The following CADM2 variants were observed in gnomAD, a reference collection of about 807,000 sequenced individuals.
CADM2 encodes the protein immunoglobulin superfamily member 4D.
In CADM2, 12 loss-of-function variants were observed where a neutral mutation model predicts 49.8. That is an observed-to-expected ratio of 0.24 (90% confidence interval 0.15 to 0.39). CADM2 has a LOEUF of 0.39. CADM2 is among the 10% of genes least tolerant of loss of function. The probability of loss-of-function intolerance (pLI) is 1.00; values close to 1 mark genes in which losing one functional copy is unlikely to be tolerated. For synonymous variants in CADM2, 214 were observed against 175.4 expected (o/e 1.22, Z -1.74); for missense variants, 378 against 492.3 (o/e 0.77, Z 2.20).
chr3:85,648,910 T>C (rs961641158), intron 1 of CADM2, among the ~76,000 whole-genome samples: 1 of 151,848 alleles, frequency 6.6e-6, no homozygotes, highest in Non-Finnish European at 1.5e-5. Context: ...ATACTTCTCC[T>C]TTTTTTTCCT....
At chr3:85,969,989 AC>A (rs1725919562) in intron 8 of CADM2, among the ~76,000 whole-genome samples, 1 of 17,088 alleles carries the variant, frequency 5.9e-5, no homozygotes, top group African/African-American at 2.5e-3. Context: ...ATATATATAC[AC>A]TCATACACTC....
chr3:85,105,180 T>A (rs1004676767), intron 1 of CADM2, among the ~76,000 whole-genome samples: 5 of 151,986 alleles, frequency 3.3e-5, no homozygotes, highest in African/African-American at 1.2e-4. Context: ...GGGAGAAAAT[T>A]TTTGCAACCT....
intron 1 of CADM2, among the ~76,000 whole-genome samples, chr3:85,411,291 C>G (rs1267799279): frequency 1.3e-5 from 2 of 152,128 alleles, no homozygotes; most frequent in Non-Finnish European, 2.9e-5. Context: ...TTGTACTGAG[C>G]TGCAGTAGCA....
At chr3:85,081,175 A>G (rs529814383) in intron 1 of CADM2, among the ~76,000 whole-genome samples, 2 of 152,252 alleles carry the variant, frequency 1.3e-5, no homozygotes, top group East Asian at 3.9e-4. Flanking sequence ...ATTCCATTTT[A>G]TCTTAAGTTT....
intron 1 of CADM2, among the ~76,000 whole-genome samples, chr3:85,640,045 T>G (rs2064660548): frequency 6.6e-6 from 1 of 152,128 alleles, no homozygotes; most frequent in African/African-American, 2.4e-5. Flanking sequence ...ACCTACTGAG[T>G]GCCGAGCAGA....
At chr3:85,670,172 C>T (rs1033586324) in intron 1 of CADM2, among the ~76,000 whole-genome samples, 7 of 152,040 alleles carry the variant, frequency 4.6e-5, no homozygotes, top group South Asian at 2.1e-4. Flanking sequence ...AATCTGGCCT[C>T]GGTAAATAGT....
At chr3:85,650,671 A>C (rs2065019081) in intron 1 of CADM2, among the ~76,000 whole-genome samples, 1 of 151,774 alleles carries the variant, frequency 6.6e-6, no homozygotes, top group Admixed American at 6.6e-5. Flanking sequence ...TGGGCCCAAC[A>C]ATCTGAGTTT....
intron 5 of CADM2, among the ~76,000 whole-genome samples, chr3:85,911,463 C>T (rs1717579553): frequency 6.6e-6 from 1 of 152,144 alleles, no homozygotes; most frequent in Admixed American, 6.5e-5. Flanking sequence ...GAAATAAATT[C>T]CTCAGCCAAG....
At chr3:85,907,598 G>A (rs1333857696) in intron 5 of CADM2, among the ~76,000 whole-genome samples, 1 of 152,068 alleles carries the variant, frequency 6.6e-6, no homozygotes, top group African/African-American at 2.4e-5. Context: ...AGGATCCAGG[G>A]AAAGTATTTC....
chr3:85,875,045 C>G (rs914239417), intron 3 of CADM2, among the ~76,000 whole-genome samples: 4 of 152,082 alleles, frequency 2.6e-5, no homozygotes, highest in Admixed American at 1.3e-4. Flanking sequence ...TTTTAAAACT[C>G]CATTTACTAT....
At chr3:85,504,631 G>A (rs563400553) in intron 1 of CADM2, among the ~76,000 whole-genome samples, 98 of 152,312 alleles carry the variant, frequency 6.4e-4, no homozygotes, top group Non-Finnish European at 1.1e-3. Context: ...ATACCTCACC[G>A]GGGCTGCAGG....
chr3:85,520,423 A>G (rs1331980435), intron 1 of CADM2, among the ~76,000 whole-genome samples: 1 of 152,014 alleles, frequency 6.6e-6, no homozygotes, highest in African/African-American at 2.4e-5. Flanking sequence ...ATTTTAGTCC[A>G]TGTGTACAAT....
intron 1 of CADM2, among the ~76,000 whole-genome samples, chr3:85,390,804 A>T (rs763014670): frequency 6.6e-6 from 1 of 152,012 alleles, no homozygotes; most frequent in Non-Finnish European, 1.5e-5. Flanking sequence ...CAGCCTCCTC[A>T]GCTCTGTGAA....
At chr3:85,436,061 C>T (rs180914938) in intron 1 of CADM2, among the ~76,000 whole-genome samples, 23 of 151,958 alleles carry the variant, frequency 1.5e-4, no homozygotes, top group African/African-American at 5.3e-4. Context: ...CTTTTATTGT[C>T]ATTGCTTTTG....
intron 1 of CADM2, among the ~76,000 whole-genome samples, chr3:85,114,960 C>A (rs1361501304): frequency 6.6e-6 from 1 of 152,034 alleles, no homozygotes; most frequent in Non-Finnish European, 1.5e-5. Flanking sequence ...CTAAAGCAAA[C>A]CACACTGAAA....
intron 1 of CADM2, among the ~76,000 whole-genome samples, chr3:85,419,222 G>T (rs971240621): frequency 6.6e-6 from 1 of 152,168 alleles, no homozygotes; most frequent in Non-Finnish European, 1.5e-5. Context: ...TTGGGAGGCC[G>T]AGATGGGTGG....
intron 2 of CADM2, among the ~76,000 whole-genome samples, chr3:85,781,485 CTTTAT>C (rs1455954462): frequency 6.6e-6 from 1 of 152,050 alleles, no homozygotes. Flanking sequence ...ATTTCAAATA[CTTTAT>C]TTTATTTGTT....
chr3:85,085,991 T>C (rs1292856576), intron 1 of CADM2, among the ~76,000 whole-genome samples: 1 of 152,198 alleles, frequency 6.6e-6, no homozygotes, highest in African/African-American at 2.4e-5. Flanking sequence ...GAGTCTAGAC[T>C]TGGATTTCAT....
chr3:85,754,085 T>A (rs2068986674), intron 2 of CADM2, among the ~76,000 whole-genome samples: 1 of 152,210 alleles, frequency 6.6e-6, no homozygotes, highest in South Asian at 2.1e-4. Flanking sequence ...GTGTGTTTAC[T>A]GGAGATGTAT....
Sources: allele counts gnomAD v4.1 joint callset (sites outside exome capture counted in the v4.1 genomes callset), GRCh38; gene constraint gnomAD v4.1.1; transcripts MANE v1.5; gene names NCBI Gene and HGNC (gene_info 2026-07-23, HGNC 2026-07-21).